Variants in GALNTL6 observed in about 807,000 individuals in gnomAD.
GALNTL6 encodes polypeptide N-acetylgalactosaminyltransferase like 6.
GALNTL6 carries 46 observed loss-of-function variants against 73.7 expected under a neutral mutation model. The observed-to-expected ratio is 0.62, with a 90% CI of 0.49 to 0.80. The LOEUF is 0.80. Among genes scored for constraint, GALNTL6 ranks in the 30% least tolerant of loss-of-function variants. The pLI is 0.00. For missense variants in GALNTL6, 604 were observed against 755.0 expected, an observed-to-expected ratio of 0.80 and a Z score of 2.34; for synonymous variants, 259 against 263.7, an observed-to-expected ratio of 0.98 and a Z score of 0.17.
In GALNTL6 at chr4:172,847,388, G is replaced by A. The variant is rs542352572; in HGVS notation, c.923+33665G>A. Among the ~76,000 whole-genome samples, 6 of 152,018 alleles carry A rather than the reference G, an allele frequency of 3.9e-5. No homozygotes were observed. The East Asian group carries it at 1.2e-3, about 29-fold the overall frequency. On this transcript the variant is annotated intron_variant, in intron 7 of 12. Transcript: ENST00000506823. ...CATATTTTCATATTTCTTCCACCCA[G>A]GTAGACAAAGTTAAGACACGTGCAC...
At chr4:172,194,676 A>G (rs1048181881) in intron 2 of GALNTL6, among the ~76,000 whole-genome samples, 3 of 152,216 alleles carry the variant, frequency 2.0e-5, no homozygotes, top group Non-Finnish European at 2.9e-5. Flanking sequence ...CCAGCCCAGA[A>G]TTTCATATCT....
At chr4:172,178,919 TC>T (rs1735144449) in intron 2 of GALNTL6, among the ~76,000 whole-genome samples, 1 of 107,780 alleles carries the variant, frequency 9.3e-6, no homozygotes, top group African/African-American at 3.9e-5. Context: ...GGTTTTTTGT[TC>T]TTGCGATAGT....
In GALNTL6 at chr4:171,834,853, T is replaced by C. The variant is rs569849490; in HGVS notation, c.138+20135T>C. Among the ~76,000 whole-genome samples the C allele has an allele frequency of 2.0e-5, 3 of 151,424 alleles. No homozygotes were observed. The South Asian group carries it at 6.3e-4, about 32-fold the overall frequency. On this transcript the variant is annotated intron_variant, in intron 2 of 12. Coordinates refer to ENST00000506823, the MANE Select transcript of GALNTL6 (RefSeq NM_001034845.3). ...AAAACTGATGAACCAGGGGGAGGAG[T>C]ACTTTGTTGTTGTCTTGTTTCAGTT...
intron 5 of GALNTL6, among the ~76,000 whole-genome samples, chr4:172,808,860 G>A (rs1741124602): frequency 6.6e-6 from 1 of 152,124 alleles, no homozygotes; most frequent in Admixed American, 6.5e-5. Context: ...TTGCTAGTTT[G>A]CTATTAACTT....
intron 2 of GALNTL6, among the ~76,000 whole-genome samples, chr4:172,187,266 G>C (rs1735443107): frequency 6.6e-6 from 1 of 151,836 alleles, no homozygotes; most frequent in South Asian, 2.1e-4. Context: ...CATCTATCAG[G>C]GTAAATGTTT....
intron 4 of GALNTL6, among the ~76,000 whole-genome samples, chr4:172,338,298 G>A (rs978065095): frequency 6.6e-6 from 1 of 152,162 alleles, no homozygotes; most frequent in South Asian, 2.1e-4. Flanking sequence ...TAGAGAGTGA[G>A]CGTGATCCTT....
chr4:172,979,297 C>T (rs1235563440), intron 10 of GALNTL6, among the ~76,000 whole-genome samples: 2 of 152,122 alleles, frequency 1.3e-5, no homozygotes, highest in Non-Finnish European at 1.5e-5. Context: ...CATTGAATTC[C>T]CTTCCATGCC....
At chr4:172,770,790 T>C (rs372248995) in intron 5 of GALNTL6, among the ~76,000 whole-genome samples, 6 of 152,232 alleles carry the variant, frequency 3.9e-5, no homozygotes, top group African/African-American at 1.2e-4. Flanking sequence ...GTAAAACTAT[T>C]GATCTTGTTC....
At chr4:173,033,200 C>CTT in intron 12 of GALNTL6, among the ~76,000 whole-genome samples, 2 of 152,080 alleles carry the variant, frequency 1.3e-5, no homozygotes, top group East Asian at 3.9e-4. Context: ...TGGGGTTTCA[C>CTT]TATGTTGGCC....
At chr4:172,594,274 G>A (rs2111007320) in intron 5 of GALNTL6, among the ~76,000 whole-genome samples, 1 of 152,238 alleles carries the variant, frequency 6.6e-6, no homozygotes, top group African/African-American at 2.4e-5. Flanking sequence ...GAACCCAGGA[G>A]GTGGAGGTTG....
intron 2 of GALNTL6, among the ~76,000 whole-genome samples, chr4:171,911,610 A>G (rs1737479734): frequency 6.6e-6 from 1 of 152,192 alleles, no homozygotes; most frequent in Admixed American, 6.5e-5. Context: ...CCAGTGCACA[A>G]AGTTGTTTTG....
intron 5 of GALNTL6, among the ~76,000 whole-genome samples, chr4:172,431,942 C>T (rs970507832): frequency 6.6e-5 from 10 of 152,080 alleles, no homozygotes; most frequent in Non-Finnish European, 1.3e-4. Context: ...ATAATTCTCT[C>T]CTGGCATGTG....
In GALNTL6 at chr4:171,888,387, C is replaced by T. The variant is rs533334182; in HGVS notation, c.138+73669C>T. Among the ~76,000 whole-genome samples the T allele has an allele frequency of 1.2e-4, 18 of 150,696 alleles. No homozygotes were observed. In the South Asian group the frequency reaches 3.8e-3, roughly 32 times the overall value. On this transcript the variant is annotated intron_variant, in intron 2 of 12. Transcript: ENST00000506823. ...TCTTAAAAACTATGTTTCTCTCCAC[C>T]TTTTTGCTTAGTTTGATAGGAGCCC...
chr4:172,550,536 C>G (rs976903183), intron 5 of GALNTL6, among the ~76,000 whole-genome samples: 1 of 152,186 alleles, frequency 6.6e-6, no homozygotes, highest in East Asian at 1.9e-4. Flanking sequence ...TGAAGGATCA[C>G]TTTGCATTTT....
At chr4:172,970,094 G>T (rs927556557) in intron 10 of GALNTL6, among the ~76,000 whole-genome samples, 5 of 152,092 alleles carry the variant, frequency 3.3e-5, no homozygotes, top group Non-Finnish European at 4.4e-5. Context: ...AGGTCACAAA[G>T]ATCACATGCT....
intron 5 of GALNTL6, among the ~76,000 whole-genome samples, chr4:172,633,745 T>C (rs2111102498): frequency 6.6e-6 from 1 of 152,304 alleles, no homozygotes; most frequent in East Asian, 1.9e-4. Flanking sequence ...AATCTCACTT[T>C]GAATTGTAAT....
intron 2 of GALNTL6, among the ~76,000 whole-genome samples, chr4:172,138,342 T>G (rs1447666202): frequency 1.3e-5 from 2 of 149,740 alleles, no homozygotes; most frequent in African/African-American, 2.4e-5. Flanking sequence ...ATATTACTCC[T>G]TTTTGCATTT....
At chr4:172,892,401 A>G (rs1182794519) in intron 8 of GALNTL6, among the ~76,000 whole-genome samples, 2 of 152,092 alleles carry the variant, frequency 1.3e-5, no homozygotes, top group Non-Finnish European at 2.9e-5. Flanking sequence ...TCAAAGGGCC[A>G]GGGCTCTGTA....
In GALNTL6 at chr4:172,031,621, CT is replaced by C. The variant is rs1299171639; in HGVS notation, c.139-198034del. ...AGAAACATTATTTCTGTAAGAATGACTGTCATCCTTTAGTACGTTGTACCTA... is the reference window on the plus strand; with the variant it reads ...AGAAACATTATTTCTGTAAGAATGACGTCATCCTTTAGTACGTTGTACCTA... On this transcript the variant is annotated intron_variant, in intron 2 of 12. Coordinates refer to ENST00000506823, the MANE Select transcript of GALNTL6 (RefSeq NM_001034845.3). 2.0e-5 allele frequency among the ~76,000 whole-genome samples: 3 copies of C among 152,022 alleles called. No individual in the cohort carries two copies. In the South Asian group the frequency reaches 6.2e-4, roughly 32 times the overall value.
Sources: gnomAD v4.1 joint callset for allele counts (sites outside exome capture counted in the v4.1 genomes callset) on GRCh38, gnomAD v4.1.1 for gene constraint, MANE v1.5 for transcripts, NCBI Gene and HGNC (gene_info 2026-07-23, HGNC 2026-07-21) for gene names.